The following CNTN1 variants were observed in gnomAD, a reference collection of about 807,000 sequenced individuals.
The protein encoded by CNTN1 is contactin-1.
A neutral mutation model predicts 126.4 loss-of-function variants in CNTN1; 38 were observed. The observed-to-expected ratio is 0.30, with a 90% CI of 0.23 to 0.39. The LOEUF is 0.39. CNTN1 is among the 10% of genes least tolerant of loss of function. The probability of loss-of-function intolerance (pLI) is 1.00; values close to 1 mark genes in which losing one functional copy is unlikely to be tolerated. For synonymous variants in CNTN1, 413 were observed against 422.6 expected, an observed-to-expected ratio of 0.98 and a Z score of 0.28; for missense variants, 1,009 against 1,248.4, an observed-to-expected ratio of 0.81 and a Z score of 2.89.
chr12:40,706,817 A>G (rs1386554585), intron 1 of CNTN1, among the ~76,000 whole-genome samples: 2 of 152,170 alleles, frequency 1.3e-5, no homozygotes, highest in African/African-American at 4.8e-5. Context: ...CAATATTTAC[A>G]GTTCATAAGA....
At chr12:41,004,173 CG>C (rs1419905494) in intron 17 of CNTN1, among the ~76,000 whole-genome samples, 1 of 151,954 alleles carries the variant, frequency 6.6e-6, no homozygotes, top group Non-Finnish European at 1.5e-5. Flanking sequence ...AATATCTTCT[CG>C]ATTTCTGCTT....
At position 41,072,271 on chromosome 12, in the gene CNTN1, A is replaced by G. The variant is rs981245729; in HGVS notation, c.*2236A>G. On this transcript the variant is annotated 3_prime_UTR_variant, in exon 24 of 24. Coordinates refer to ENST00000551295, the MANE Select transcript of CNTN1 (RefSeq NM_001843.4). ...TTTCAGGAAAGGTGATAGTAGTTTT[A>G]TTTGATACTGATAAATATTGAATTG... The G allele has an allele frequency of 5.9e-5, 9 of 152,192 alleles. No homozygotes were observed. 9.4% of individuals were successfully genotyped at this position (152,192 alleles called of 1,614,324 possible). A position where few individuals can be genotyped will look rare whatever the true frequency, so the allele number is the denominator to read the frequency against.
In CNTN1 at chr12:40,822,148, C is replaced by CTTTTTTTTT. The variant is rs777953120; in HGVS notation, c.-76-86193_-76-86185dup. Among the ~76,000 whole-genome samples, 24 of 47,262 alleles carry CTTTTTTTTT rather than the reference C, an allele frequency of 5.1e-4. 4 individuals carry two copies. The highest frequency in any genetic ancestry group is 7.9e-4 in the African/African-American group (12 of 15,276). 31.0% of individuals were successfully genotyped at this position (47,262 alleles called of 152,430 possible). Reference sequence around the variant, plus strand: ...TTTCCAGTCTAGACAAAATATAAATCTTTTTTTTTTTTTTTTTTTTTTTTG... The same window carrying CTTTTTTTTT: ...TTTCCAGTCTAGACAAAATATAAATCTTTTTTTTTTTTTTTTTTTTTTTTTTTTTTTTTG... On this transcript the variant is annotated intron_variant, in intron 1 of 23. Transcript: ENST00000551295.
chr12:40,739,111 G>T (rs951597316), intron 1 of CNTN1, among the ~76,000 whole-genome samples: 2 of 151,936 alleles, frequency 1.3e-5, no homozygotes, highest in African/African-American at 4.8e-5. Context: ...GCTCCTCAGG[G>T]GATTCTAGTG....
intron 1 of CNTN1, among the ~76,000 whole-genome samples, chr12:40,903,185 C>T (rs1006934950): frequency 6.6e-6 from 1 of 152,162 alleles, no homozygotes; most frequent in East Asian, 1.9e-4. Context: ...GCAGCAGCAG[C>T]AGCAGTACCT....
rs183139776 is a variant in CNTN1 at position 40,911,878 on chromosome 12, G to C, written c.94+1773G>C. Reference sequence around the variant, plus strand: ...GGCATCACTCCCTGTCAACCTTTACGTCTGAGTCATGTGAGGGATAGGTTG... The same window carrying C: ...GGCATCACTCCCTGTCAACCTTTACCTCTGAGTCATGTGAGGGATAGGTTG... On this transcript the variant is annotated intron_variant, in intron 3 of 23. Coordinates refer to ENST00000551295, the MANE Select transcript of CNTN1 (RefSeq NM_001843.4). 2.0e-5 allele frequency among the ~76,000 whole-genome samples: 3 copies of C among 152,250 alleles called. No individual in the cohort carries two copies. In the South Asian group the frequency reaches 6.2e-4, roughly 32 times the overall value.
At chr12:40,948,406 A>G (rs954637222) in intron 14 of CNTN1, among the ~76,000 whole-genome samples, 15 of 151,666 alleles carry the variant, frequency 9.9e-5, no homozygotes, top group African/African-American at 3.1e-4. Context: ...AAGAGGTAAT[A>G]ATAGCCAACA....
chr12:40,800,408 A>T (rs976802201), intron 1 of CNTN1, among the ~76,000 whole-genome samples: 3 of 152,160 alleles, frequency 2.0e-5, no homozygotes, highest in African/African-American at 7.2e-5. Flanking sequence ...GAATGGACTA[A>T]TGCAGAAGGT....
intron 1 of CNTN1, among the ~76,000 whole-genome samples, chr12:40,740,962 G>C (rs751870677): frequency 3.3e-5 from 5 of 151,932 alleles, no homozygotes; most frequent in Non-Finnish European, 5.9e-5. Flanking sequence ...CAATTATTCA[G>C]TCTTGGGTAT....
chr12:41,026,615 G>A (rs1017479009), intron 21 of CNTN1, among the ~76,000 whole-genome samples: 1 of 152,170 alleles, frequency 6.6e-6, no homozygotes, highest in Non-Finnish European at 1.5e-5. Flanking sequence ...GGTGTGGAAA[G>A]GCCACTGGGT....
At chr12:41,003,522 A>G (rs962726559) in intron 17 of CNTN1, among the ~76,000 whole-genome samples, 2 of 151,374 alleles carry the variant, frequency 1.3e-5, no homozygotes, top group Admixed American at 6.6e-5. Flanking sequence ...CAGGAATGGT[A>G]CCAGCTCTTC....
intron 1 of CNTN1, among the ~76,000 whole-genome samples, chr12:40,741,363 G>A (rs1250839226): frequency 6.6e-6 from 1 of 151,950 alleles, no homozygotes; most frequent in African/African-American, 2.4e-5. Flanking sequence ...TACAATGGTG[G>A]TTCCAAGAAA....
rs1009645260 is a variant in CNTN1, at chr12:40,959,153, C to T, written c.1723C>T (p.Leu575=). ...NGELLIRNAQ[L]KHAGRYTCTA... is the part of the protein sequence containing the mutation. Reference sequence around the variant, plus strand: ...GGAATTACTAATCCGAAATGCGCAGCTGAAACATGCTGGAAGATACACATG... The same window carrying T: ...GGAATTACTAATCCGAAATGCGCAGTTGAAACATGCTGGAAGATACACATG... The change falls in exon 15 of 24, where the codon CTG becomes TTG. Residue 575 remains leucine (L), a synonymous_variant. Transcript: ENST00000551295. 3.7e-6 allele frequency: 6 copies of T among 1,612,574 alleles called. No homozygotes were observed. In the Admixed American group the frequency reaches 6.7e-5, roughly 18 times the overall value.
At chr12:40,784,571 G>C (rs769750314) in intron 1 of CNTN1, among the ~76,000 whole-genome samples, 2 of 152,038 alleles carry the variant, frequency 1.3e-5, no homozygotes, top group Admixed American at 1.3e-4. Context: ...TATTCCAAGA[G>C]GATAAAGATG....
intron 1 of CNTN1, among the ~76,000 whole-genome samples, chr12:40,810,948 A>G (rs1941038044): frequency 6.6e-6 from 1 of 152,192 alleles, no homozygotes; most frequent in African/African-American, 2.4e-5. Context: ...GGTTACAATC[A>G]GCTACAACCA....
chr12:40,949,827 C>T (rs151095605), intron 14 of CNTN1, among the ~76,000 whole-genome samples: 4,977 of 151,954 alleles, frequency 0.033, 126 homozygotes, highest in Non-Finnish European at 0.053. Context: ...CCACCCGCCT[C>T]GGCCTCCCAA....
At chr12:40,741,190 C>G (rs1194145146) in intron 1 of CNTN1, among the ~76,000 whole-genome samples, 2 of 152,026 alleles carry the variant, frequency 1.3e-5, no homozygotes, top group African/African-American at 4.8e-5. Context: ...AGACAAAAAA[C>G]AATAAACTTC....
intron 1 of CNTN1, among the ~76,000 whole-genome samples, chr12:40,795,781 A>G (rs978517584): frequency 1.3e-5 from 2 of 152,156 alleles, no homozygotes; most frequent in Non-Finnish European, 2.9e-5. Flanking sequence ...AGAAGCATAA[A>G]ACAATGCCAG....
intron 1 of CNTN1, among the ~76,000 whole-genome samples, chr12:40,703,808 G>GAGAA (rs979772388): frequency 6.6e-6 from 1 of 151,610 alleles, no homozygotes; most frequent in African/African-American, 2.4e-5. Flanking sequence ...GAGGGAGAGA[G>GAGAA]AGAGAACAGA....
Sources: allele counts gnomAD v4.1 joint callset (sites outside exome capture counted in the v4.1 genomes callset), GRCh38; gene constraint gnomAD v4.1.1; transcripts MANE v1.5; gene names NCBI Gene and HGNC (gene_info 2026-07-23, HGNC 2026-07-21).